ALMS1: variants seen among roughly 807,000 people sequenced by gnomAD.
ALMS1 encodes the protein centrosome-associated protein ALMS1.
In ALMS1, 271 loss-of-function variants were observed where a neutral mutation model predicts 352.2. The ratio of observed to expected loss-of-function variants is 0.77; its 90% CI spans 0.70 to 0.85. The LOEUF (loss-of-function observed/expected upper bound fraction) is 0.85, where lower values mean the gene tolerates loss of function less well. ALMS1 is among the 40% of genes least tolerant of loss of function. ALMS1 has a pLI of 0.00. For synonymous variants in ALMS1, 1,865 were observed against 1,761.2 expected (o/e 1.06, Z -1.48); for missense variants, 5,445 against 4,870.7 (o/e 1.12, Z -3.51).
rs267599446 is a variant in ALMS1 at position 73,448,642 on chromosome 2, G to C, written c.2115G>C (p.Lys705Asn). Residue 705 changes from lysine (K) to asparagine (N), a missense_variant, in exon 8 of 23, where the codon AAG becomes AAC. Transcript: ENST00000613296. ...VSAVSGPADQKTGTATVLSTP... is the reference protein window; with the variant it reads ...VSAVSGPADQNTGTATVLSTP... ...CTGTGTCTGGACCAGCTGACCAGAA[G>C]ACTGGGACAGCAACAGTACTCTCTA... The C allele has an allele frequency of 1.2e-6, 2 of 1,613,498 alleles. No individual in the cohort carries two copies. The highest frequency in any genetic ancestry group is 2.2e-5 in the East Asian group (1 of 44,848).
At chr2:73,583,255 TG>T (rs1448875781) in intron 16 of ALMS1, among the ~76,000 whole-genome samples, 10 of 151,982 alleles carry the variant, frequency 6.6e-5, no homozygotes, top group Admixed American at 3.3e-4. Context: ...CTCGAGCTCC[TG>T]GGCTCAAGCA....
chr2:73,559,303 C>T (rs900236398), intron 15 of ALMS1, among the ~76,000 whole-genome samples, 161 bp downstream of exon 15: 9 of 141,450 alleles, frequency 6.4e-5, no homozygotes, highest in African/African-American at 2.3e-4. Context: ...TTTGATGCTA[C>T]TATTAGGTTA....
chr2:73,601,224 G>A lies in ALMS1; in HGVS notation c.11902G>A (p.Val3968Met), dbSNP rs1223459155. ...TTCCTGGTTTGTTCCTGTGGAAAAT[G>A]TGGAGTCTAGATCAAAGAAGGAAAA... ...GVSWFVPVEN[V>M]ESRSKKENVP... is the part of the protein sequence containing the mutation. The change falls in exon 19 of 23, where the codon GTG becomes ATG. Residue 3968 changes from valine (V) to methionine (M), a missense_variant. Physicochemically the swap from Val to Met is conservative, Grantham distance 21 (BLOSUM62 1). Coordinates refer to ENST00000613296, the MANE Select transcript of ALMS1 (RefSeq NM_001378454.1). 3 of 1,614,220 alleles carry A rather than the reference G, an allele frequency of 1.9e-6. No individual in the cohort carries two copies. Among genetic ancestry groups the A allele is most frequent in the Admixed American group, 3.3e-5 (2 of 60,030 alleles).
chr2:73,388,564 G>T (rs1444257759), intron 1 of ALMS1, among the ~76,000 whole-genome samples: 1 of 152,162 alleles, frequency 6.6e-6, no homozygotes, highest in African/African-American at 2.4e-5. Context: ...GTGAGAGCAT[G>T]TGGTATTTGA....
chr2:73,466,488 G>A (rs183620834), intron 9 of ALMS1, among the ~76,000 whole-genome samples: 2 of 133,074 alleles, frequency 1.5e-5, no homozygotes, highest in Admixed American at 7.7e-5. Context: ...CTGTTGTGGG[G>A]TGGGGGGAGG....
intron 16 of ALMS1, among the ~76,000 whole-genome samples, chr2:73,576,292 T>C (rs540858123): frequency 3.3e-4 from 50 of 152,324 alleles, no homozygotes; most frequent in African/African-American, 1.1e-3. Flanking sequence ...TTTGGCTGTT[T>C]GGTTTCCCTT....
At chr2:73,396,045 T>C (rs1209132573) in intron 1 of ALMS1, among the ~76,000 whole-genome samples, 1 of 152,170 alleles carries the variant, frequency 6.6e-6, no homozygotes, top group East Asian at 1.9e-4. Context: ...CGGCTGTGGG[T>C]TGGACAAACT....
chr2:73,568,253 A>G (rs1261472886), intron 15 of ALMS1, among the ~76,000 whole-genome samples: 1 of 152,212 alleles, frequency 6.6e-6, no homozygotes, highest in African/African-American at 2.4e-5. Flanking sequence ...TTATAAGACT[A>G]TTATTAGAAG....
intron 12 of ALMS1, among the ~76,000 whole-genome samples, chr2:73,545,181 G>T (rs149988938): frequency 0.011 from 1,490 of 139,882 alleles, 19 homozygotes; most frequent in Non-Finnish European, 0.013. Context: ...ATTTTTTGTG[G>T]TTTTTTTTTT....
intron 9 of ALMS1, among the ~76,000 whole-genome samples, chr2:73,468,703 A>G (rs1366949534): frequency 6.6e-6 from 1 of 151,964 alleles, no homozygotes; most frequent in Non-Finnish European, 1.5e-5. Flanking sequence ...ATGTTGTAGC[A>G]TATGTTATAA....
chr2:73,462,796 G>A (rs1448193019), intron 9 of ALMS1: 4 of 151,950 alleles, frequency 2.6e-5, no homozygotes, highest in Non-Finnish European at 5.9e-5. Flanking sequence ...AAAAAGGCAG[G>A]GGTTGCAATC....
chr2:73,465,327 A>C (rs1309971776), intron 9 of ALMS1, among the ~76,000 whole-genome samples: 2 of 152,212 alleles, frequency 1.3e-5, no homozygotes, highest in Non-Finnish European at 2.9e-5. Context: ...CCTCAGAAAT[A>C]ATGCCACATA....
rs147051010 is a variant in ALMS1 at position 73,435,901 on chromosome 2, A to G, written c.1432+3610A>G. Among the ~76,000 whole-genome samples the G allele has an allele frequency of 7.3e-4, 111 of 152,208 alleles. 1 individual carries two copies. Among genetic ancestry groups the G allele is most frequent in the African/African-American group, 2.5e-3 (105 of 41,532 alleles). On this transcript the variant is annotated intron_variant, in intron 7 of 22. Coordinates refer to ENST00000613296, the MANE Select transcript of ALMS1 (RefSeq NM_001378454.1). ...GCCACCATGCCAGCCTGCTTTATAT[A>G]TTTTCAAATTGCTCTTTAAATCAGT...
chr2:73,439,646 T>C (rs892352296), intron 7 of ALMS1, among the ~76,000 whole-genome samples: 1 of 152,076 alleles, frequency 6.6e-6, no homozygotes, highest in African/African-American at 2.4e-5. Context: ...GTTCAAGCGA[T>C]TCTCCTGCCT....
rs769538172 is a variant in ALMS1 at position 73,385,893 on chromosome 2, C to T, written c.25C>T (p.Pro9Ser). The change falls in exon 1 of 23, where the codon CCG becomes TCG. Residue 9 changes from proline (P) to serine (S), a missense_variant. Transcript: ENST00000613296. MEPEDLPW[P>S]GELEEEEEEE... is the part of the protein sequence containing the mutation. ...CATGGAGCCCGAGGATCTGCCATGG[C>T]CGGGCGAGCTGGAGGAGGAGGAGGA... The T allele has an allele frequency of 5.4e-5, 47 of 867,892 alleles. No homozygotes were observed. The highest frequency in any genetic ancestry group is 5.0e-4 in the South Asian group (35 of 69,498). The allele number at this position is 867,892 out of a possible 1,614,324, so 53.8% of individuals were successfully genotyped here. A position where few individuals can be genotyped will look rare whatever the true frequency, so the allele number is the denominator to read the frequency against.
intron 15 of ALMS1, among the ~76,000 whole-genome samples, chr2:73,559,737 A>C (rs1003802167): frequency 2.0e-5 from 3 of 152,138 alleles, no homozygotes; most frequent in African/African-American, 7.2e-5. Flanking sequence ...AGAATATACA[A>C]AATAAATGAT....
At chr2:73,523,085 G>A (rs1673718559) in intron 11 of ALMS1, among the ~76,000 whole-genome samples, 1 of 152,118 alleles carries the variant, frequency 6.6e-6, no homozygotes. Context: ...TTCTTAAAAA[G>A]CTTGTTTGTT....
chr2:73,573,501 G>GA (rs903514770), intron 16 of ALMS1, 77 bp downstream of exon 16: 7 of 1,497,656 alleles, frequency 4.7e-6, no homozygotes, highest in Admixed American at 1.8e-5. Flanking sequence ...GCACACAGGT[G>GA]AAAAAAACAA....
At chr2:73,465,384 G>A (rs1414792940) in intron 9 of ALMS1, among the ~76,000 whole-genome samples, 1 of 152,226 alleles carries the variant, frequency 6.6e-6, no homozygotes, top group Non-Finnish European at 1.5e-5. Flanking sequence ...ACAAGAAATG[G>A]GGAAAGGATT....
Sources: allele counts gnomAD v4.1 joint callset (sites outside exome capture counted in the v4.1 genomes callset), GRCh38; gene constraint gnomAD v4.1.1; transcripts MANE v1.5; gene names NCBI Gene and HGNC (gene_info 2026-07-23, HGNC 2026-07-21).